Variants in CFAP70 observed in about 807,000 individuals in gnomAD.
CFAP70 encodes the protein cilia and flagella associated protein 70.
CFAP70 carries 81 observed loss-of-function variants against 137.6 expected under a neutral mutation model. The ratio of observed to expected loss-of-function variants is 0.59; its 90% CI spans 0.49 to 0.71. The LOEUF (loss-of-function observed/expected upper bound fraction) is 0.71, where lower values mean the gene tolerates loss of function less well. CFAP70 is among the 30% of genes least tolerant of loss of function. The pLI is 0.00. For missense variants in CFAP70, 976 were observed against 1,226.7 expected, an observed-to-expected ratio of 0.80 and a Z score of 3.05; for synonymous variants, 382 against 423.6, an observed-to-expected ratio of 0.90 and a Z score of 1.20.
At chr10:73,300,758 G>C (rs961121066) in intron 12 of CFAP70, among the ~76,000 whole-genome samples, 2 of 152,204 alleles carry the variant, frequency 1.3e-5, no homozygotes, top group East Asian at 3.8e-4. Context: ...AGCTACTCAG[G>C]AGGCTGAGAC....
intron 1 of CFAP70, among the ~76,000 whole-genome samples, chr10:73,357,794 C>G (rs928039106): frequency 1.3e-5 from 2 of 152,226 alleles, no homozygotes; most frequent in Admixed American, 6.5e-5. Context: ...TCTCCTCACT[C>G]CGTCTCTACA....
chr10:73,256,504 C>T, intron 25 of CFAP70, 88 bp from the exon 27 acceptor site: 1 of 1,363,024 alleles, frequency 7.3e-7, no homozygotes, highest in Non-Finnish European at 1.0e-6. Context: ...GCAGAGGCAC[C>T]TACACCTAAG....
intron 19 of CFAP70, 85 bp from the exon 21 acceptor site, chr10:73,278,422 A>C (rs2046960431): frequency 9.5e-7 from 1 of 1,054,324 alleles, no homozygotes; most frequent in Non-Finnish European, 1.4e-6. Flanking sequence ...TTTGCAAAGC[A>C]TAAGAAACAT....
intron 8 of CFAP70, among the ~76,000 whole-genome samples, chr10:73,329,523 C>CA (rs946761071): frequency 8.6e-5 from 13 of 151,446 alleles, no homozygotes; most frequent in Admixed American, 5.3e-4. Context: ...AACAAACAAA[C>CA]AAAAAAACAG....
intron 4 of CFAP70, among the ~76,000 whole-genome samples, chr10:73,346,096 A>T (rs1375936339): frequency 1.3e-5 from 2 of 151,380 alleles, no homozygotes; most frequent in Non-Finnish European, 2.9e-5. Context: ...ACGGGGTTTC[A>T]ACATATTGGC....
chr10:73,297,067 TCTA>T, exon 15 of CFAP70: 1 of 1,613,880 alleles, frequency 6.2e-7, no homozygotes, highest in Non-Finnish European at 8.5e-7. Context: ...ATGCATCTGA[TCTA>T]CTAAGAACAC....
intron 19 of CFAP70, among the ~76,000 whole-genome samples, chr10:73,284,681 T>C (rs1328287093): frequency 1.5e-5 from 2 of 135,456 alleles, no homozygotes; most frequent in Non-Finnish European, 3.2e-5. Flanking sequence ...TTTTTTTTAA[T>C]GGTTGCTGTT....
chr10:73,271,606 G>A (rs2046322583), intron 24 of CFAP70, among the ~76,000 whole-genome samples: 1 of 152,162 alleles, frequency 6.6e-6, no homozygotes, highest in Non-Finnish European at 1.5e-5. Context: ...AAAAAAGACG[G>A]GAGGAAAGTA....
intron 8 of CFAP70, among the ~76,000 whole-genome samples, chr10:73,325,005 G>A (rs1238131349): frequency 6.6e-6 from 1 of 152,106 alleles, no homozygotes; most frequent in East Asian, 1.9e-4. Flanking sequence ...GATACTCCTT[G>A]AGAAGAGCAG....
chr10:73,309,732 C>T (rs2049742892), intron 12 of CFAP70, among the ~76,000 whole-genome samples: 1 of 150,032 alleles, frequency 6.7e-6, no homozygotes, highest in Non-Finnish European at 1.5e-5. Context: ...TCTCGGCTCA[C>T]TGCAACCTCC....
Position 73,325,659 on chromosome 10 carries a change from A to C in CFAP70, c.778-2562T>G, listed in dbSNP as rs926226310. Among the ~76,000 whole-genome samples the C allele has an allele frequency of 2.2e-3, 332 of 152,292 alleles. 1 individual carries two copies. Among genetic ancestry groups the C allele is most frequent in the Non-Finnish European group, 3.3e-3 (225 of 68,020 alleles). ...GGAGGAAGATCTACCAAGCAAATGGAAAACAAAAAAAGGCAAGGGTTGCAA... is the reference window on the plus strand; with the variant it reads ...GGAGGAAGATCTACCAAGCAAATGGCAAACAAAAAAAGGCAAGGGTTGCAA... On this transcript the variant is annotated intron_variant, in intron 8 of 26. Transcript: ENST00000310715.
intron 25 of CFAP70, among the ~76,000 whole-genome samples, chr10:73,261,123 ATCT>A (rs900966843): frequency 2.0e-5 from 3 of 148,044 alleles, no homozygotes; most frequent in Admixed American, 6.7e-5. Flanking sequence ...GGCATTGTCT[ATCT>A]TTTTTTTTTT....
Position 73,269,576 on chromosome 10 carries a change from C to T in CFAP70, c.3027+38G>A, listed in dbSNP as rs1270776653. ...GCTTACTTGACCCCTCACCTCTGTG[C>T]CCTAAAAGGGCATTGTGTAAGGATA... On this transcript the variant is annotated intron_variant, in intron 25 of 26. Coordinates refer to ENST00000310715, the Ensembl canonical transcript of CFAP70. 6 of 1,489,696 alleles carry T rather than the reference C, an allele frequency of 4.0e-6. No homozygotes were observed. The African/African-American group carries it at 8.3e-5, about 21-fold the overall frequency. 92.3% of individuals were successfully genotyped at this position (1,489,696 alleles called of 1,614,324 possible). A position where few individuals can be genotyped will look rare whatever the true frequency, so the allele number is the denominator to read the frequency against.
At chr10:73,254,032 C>A in exon 27 of CFAP70, 1 of 1,596,194 alleles carries the variant, frequency 6.3e-7, no homozygotes, top group Non-Finnish European at 8.6e-7. Context: ...TCTCTGCAAG[C>A]AGAGCCTCAT....
At chr10:73,308,932 A>G (rs778122561) in intron 12 of CFAP70, among the ~76,000 whole-genome samples, 7 of 152,140 alleles carry the variant, frequency 4.6e-5, no homozygotes, top group Non-Finnish European at 8.8e-5. Flanking sequence ...AAAGAAGAAG[A>G]AAACTCAAAA....
At chr10:73,312,434 A>G in intron 10 of CFAP70, 39 bp downstream of exon 11, 4 of 1,463,736 alleles carry the variant, frequency 2.7e-6, no homozygotes, top group Non-Finnish European at 3.7e-6. Context: ...TCTGGAATGT[A>G]ATCTAAGAGG....
chr10:73,312,092 C>G (rs140651850), intron 10 of CFAP70, among the ~76,000 whole-genome samples, 178 bp from the exon 12 acceptor site: 1 of 152,156 alleles, frequency 6.6e-6, no homozygotes, highest in Non-Finnish European at 1.5e-5. Flanking sequence ...GCAACTAACA[C>G]AGGAACAGAA....
chr10:73,306,040 T>A (rs2049346809), intron 12 of CFAP70, among the ~76,000 whole-genome samples: 1 of 152,056 alleles, frequency 6.6e-6, no homozygotes, highest in African/African-American at 2.4e-5. Flanking sequence ...GTACAATATT[T>A]GGAATAAAAA....
intron 25 of CFAP70, among the ~76,000 whole-genome samples, chr10:73,261,990 G>A (rs1423185826): frequency 1.5e-5 from 2 of 131,828 alleles, no homozygotes; most frequent in African/African-American, 2.6e-5. Flanking sequence ...GTATACATAT[G>A]TATATATGTA....
Sources: allele counts gnomAD v4.1 joint callset (sites outside exome capture counted in the v4.1 genomes callset), GRCh38; gene constraint gnomAD v4.1.1; transcripts MANE v1.5; gene names NCBI Gene and HGNC (gene_info 2026-07-23, HGNC 2026-07-21).